Variants in LMF1 observed in about 807,000 individuals in gnomAD.
LMF1 encodes the protein transmembrane protein 112.
LMF1 carries 68 observed loss-of-function variants against 60.6 expected under a neutral mutation model. The observed-to-expected ratio is 1.12, with a 90% CI of 0.92 to 1.37. The LOEUF is 1.37. LMF1 is among the 40% of genes most tolerant of loss of function. The pLI is 0.00. For missense variants in LMF1, 948 were observed against 767.2 expected (o/e 1.24, Z -2.78); for synonymous variants, 418 against 324.7 (o/e 1.29, Z -3.09).
intron 2 of LMF1, among the ~76,000 whole-genome samples, chr16:951,676 G>A (rs1395727617): frequency 1.2e-4 from 19 of 152,354 alleles, no homozygotes; most frequent in African/African-American, 3.1e-4. Context: ...TCAGGTGAAC[G>A]ATAAATGGGG....
At position 963,288 on chromosome 16, in the gene LMF1, G is replaced by A. The variant is rs567357060; in HGVS notation, c.193+7500C>T. On this transcript the variant is annotated intron_variant, in intron 1 of 10. Coordinates refer to ENST00000262301, the MANE Select transcript of LMF1 (RefSeq NM_022773.4). ...CCTAGCAACATAGAGGACACCTCGC[G>A]GTAGGCCCTCAGCCCCGGCGGCCAC... Among the ~76,000 whole-genome samples the A allele has an allele frequency of 5.9e-5, 9 of 152,204 alleles. No homozygotes were observed. In the South Asian group the frequency reaches 1.0e-3, roughly 18 times the overall value.
intron 4 of LMF1, among the ~76,000 whole-genome samples, chr16:894,536 G>T (rs913474537): frequency 9.2e-5 from 14 of 152,128 alleles, no homozygotes; most frequent in Admixed American, 7.9e-4. Flanking sequence ...CCCCATAGAG[G>T]CCGCATGCTG....
At chr16:919,618 T>C (rs1157232656) in intron 3 of LMF1, among the ~76,000 whole-genome samples, 2 of 66,166 alleles carry the variant, frequency 3.0e-5, no homozygotes, top group East Asian at 4.1e-4. Flanking sequence ...CGCAGTCTCA[T>C]GTGGGTCACT....
At chr16:922,521 TCGCC>T in intron 3 of LMF1, among the ~76,000 whole-genome samples, 1 of 152,192 alleles carries the variant, frequency 6.6e-6, no homozygotes, top group Non-Finnish European at 1.5e-5. Context: ...GTGAAGAAAG[TCGCC>T]TCGGTTTTTG....
chr16:880,455 T>C (rs751740116), intron 5 of LMF1, among the ~76,000 whole-genome samples: 2 of 152,208 alleles, frequency 1.3e-5, no homozygotes, highest in Non-Finnish European at 2.9e-5. Context: ...GCAGATCACT[T>C]GAGCCCAGGA....
At chr16:931,922 G>C (rs1298361018) in intron 3 of LMF1, 3 of 751,580 alleles carry the variant, frequency 4.0e-6, no homozygotes, top group Non-Finnish European at 3.8e-6. Context: ...GAATCAGTTA[G>C]AATGTATGAC....
At position 938,989 on chromosome 16, in the gene LMF1, G is replaced by A. The variant is rs1028576857; in HGVS notation, c.504-4735C>T. Among the ~76,000 whole-genome samples, 9 of 152,150 alleles carry A rather than the reference G, an allele frequency of 5.9e-5. 1 individual carries two copies. Among genetic ancestry groups the A allele is most frequent in the Non-Finnish European group, 1.3e-4 (9 of 68,034 alleles). ...AGCAAAGTCCGTGCATACAGAATGGGATGCGGCCAAGGGGTTACACCTTCC... is the reference window on the plus strand; with the variant it reads ...AGCAAAGTCCGTGCATACAGAATGGAATGCGGCCAAGGGGTTACACCTTCC... On this transcript the variant is annotated intron_variant, in intron 2 of 10. Transcript: ENST00000262301.
intron 5 of LMF1, chr16:884,820 C>T (rs955565726): frequency 8.5e-6 from 1 of 118,140 alleles, no homozygotes; most frequent in Non-Finnish European, 1.8e-5. Context: ...GGATGGAAGC[C>T]TGGATCTCCA....
Position 869,834 on chromosome 16 carries a change from A to T in LMF1, c.1416+49T>A, listed in dbSNP as rs375499408. 1.0e-3 allele frequency: 1,611 copies of T among 1,570,722 alleles called. 25 individuals are homozygous for T. In the South Asian group the frequency reaches 0.018, roughly 17 times the overall value. On this transcript the variant is annotated intron_variant, in intron 9 of 10. Coordinates refer to ENST00000262301, the MANE Select transcript of LMF1 (RefSeq NM_022773.4). Reference sequence around the variant, plus strand: ...GAAACCTGCCATCTATGGGCAGAAGAGGGTGGGGTACAGGCAGGTCCATGC... The same window carrying T: ...GAAACCTGCCATCTATGGGCAGAAGTGGGTGGGGTACAGGCAGGTCCATGC...
At chr16:972,400 G>A (rs1042436401), upstream of LMF1, among the ~76,000 whole-genome samples, 9 of 152,176 alleles carry the variant, frequency 5.9e-5, no homozygotes, top group African/African-American at 1.9e-4. Flanking sequence ...CTTGGGGATC[G>A]CAGGAGGCAT....
rs759097865 is a variant in LMF1, at chr16:970,877, C to T, written c.104G>A (p.Arg35His). The change falls in exon 1 of 11, where the codon CGT becomes CAT. Residue 35 changes from arginine (R) to histidine (H), a missense_variant. Physicochemically the swap from Arg to His is conservative, Grantham distance 29 (BLOSUM62 0). Coordinates refer to ENST00000262301, the MANE Select transcript of LMF1 (RefSeq NM_022773.4). ...ATGGGCCGGAGAGCCTGCGGGGCCA[C>T]GCCCCGGCGCGGGCGGCGACTCAGG... ...PEPESPPAPGRGPAGSPAHLH... is the reference protein window; with the variant it reads ...PEPESPPAPGHGPAGSPAHLH... The T allele has an allele frequency of 1.9e-5, 30 of 1,569,226 alleles. No homozygotes were observed. The South Asian group carries it at 3.4e-4, about 18-fold the overall frequency.
chr16:862,664 C>A (rs2069499295), intron 10 of LMF1, among the ~76,000 whole-genome samples: 1 of 151,850 alleles, frequency 6.6e-6, no homozygotes, highest in Non-Finnish European at 1.5e-5. Context: ...TTGGGACCAG[C>A]CAGGGCACCA....
At chr16:954,064 C>CCCCACA (rs2072600021) in intron 2 of LMF1, among the ~76,000 whole-genome samples, 1 of 151,878 alleles carries the variant, frequency 6.6e-6, no homozygotes, top group Non-Finnish European at 1.5e-5. Context: ...CAGACACAGA[C>CCCCACA]CCACTGCTTC....
chr16:887,957 C>T (rs534948557), intron 5 of LMF1, among the ~76,000 whole-genome samples: 3 of 152,140 alleles, frequency 2.0e-5, no homozygotes, highest in Non-Finnish European at 2.9e-5. Context: ...ATCCAGGGGA[C>T]CCCCGCCCTG....
At chr16:868,747 C>T (rs1158735188) in intron 10 of LMF1, among the ~76,000 whole-genome samples, 197 bp downstream of exon 10, 1 of 137,384 alleles carries the variant, frequency 7.3e-6, no homozygotes, top group Non-Finnish European at 1.5e-5. Context: ...AGGGGTGGGA[C>T]CAGCCTTGAT....
At chr16:928,708 A>G (rs1394458464) in intron 3 of LMF1, among the ~76,000 whole-genome samples, 1 of 124,808 alleles carries the variant, frequency 8.0e-6, no homozygotes, top group Non-Finnish European at 1.7e-5. Flanking sequence ...CCCTCCCCAC[A>G]TCCCCACGGG....
At chr16:968,174 G>C (rs565682505) in intron 1 of LMF1, among the ~76,000 whole-genome samples, 1 of 152,210 alleles carries the variant, frequency 6.6e-6, no homozygotes, top group Non-Finnish European at 1.5e-5. Context: ...GCCCCAGGAC[G>C]GATGCAAAGT....
intron 2 of LMF1, among the ~76,000 whole-genome samples, chr16:944,895 G>A (rs1255844026): frequency 1.4e-5 from 2 of 147,960 alleles, no homozygotes; most frequent in African/African-American, 2.6e-5. Context: ...CGGAGTCAAA[G>A]AAATACATAT....
chr16:905,545 G>C (rs1463656802), intron 4 of LMF1, among the ~76,000 whole-genome samples: 3 of 152,238 alleles, frequency 2.0e-5, no homozygotes, highest in South Asian at 2.1e-4. Flanking sequence ...AGTGCCGTGA[G>C]AGCCATTTGC....
Sources: gnomAD v4.1 joint callset for allele counts (sites outside exome capture counted in the v4.1 genomes callset) on GRCh38, gnomAD v4.1.1 for gene constraint, MANE v1.5 for transcripts, NCBI Gene and HGNC (gene_info 2026-07-23, HGNC 2026-07-21) for gene names.